TNNI3K: variants seen among roughly 807,000 people sequenced by gnomAD.
TNNI3K encodes the protein serine/threonine-protein kinase TNNI3K.
TNNI3K carries 140 observed loss-of-function variants against 114.5 expected under a neutral mutation model. That is an observed-to-expected ratio of 1.22 (90% CI 1.07 to 1.41). TNNI3K has a LOEUF of 1.41. TNNI3K is among the 40% of genes most tolerant of loss of function. The pLI, the probability that TNNI3K is intolerant of heterozygous loss-of-function variation, is 0.00. For missense variants in TNNI3K, 1,125 were observed against 1,007.6 expected, an observed-to-expected ratio of 1.12 and a Z score of -1.58; for synonymous variants, 347 against 347.5, an observed-to-expected ratio of 1.00 and a Z score of 0.02.
intron 17 of TNNI3K, chr1:74,373,613 AATT>A (rs1662725183): frequency 6.6e-6 from 1 of 151,890 alleles, no homozygotes; most frequent in South Asian, 2.1e-4. Flanking sequence ...AACTGAACCA[AATT>A]ATTGTGGATT....
chr1:74,272,273 A>G (rs1184452539), intron 5 of TNNI3K, among the ~76,000 whole-genome samples: 1 of 151,912 alleles, frequency 6.6e-6, no homozygotes, highest in Non-Finnish European at 1.5e-5. Context: ...GTTTAGCTGT[A>G]AAGAATAAAA....
chr1:74,248,631 T>C (rs1219554835), intron 2 of TNNI3K, among the ~76,000 whole-genome samples: 2 of 152,224 alleles, frequency 1.3e-5, no homozygotes, highest in African/African-American at 4.8e-5. Context: ...TCATTTTTGT[T>C]GAGGCTTAGA....
intron 23 of TNNI3K, among the ~76,000 whole-genome samples, chr1:74,535,813 C>A (rs1005714922): frequency 2.0e-5 from 3 of 152,174 alleles, no homozygotes; most frequent in Admixed American, 6.6e-5. Flanking sequence ...CAGTCAGTCA[C>A]AATTGAATCT....
At chr1:74,394,664 C>T (rs780264275) in intron 17 of TNNI3K, among the ~76,000 whole-genome samples, 1 of 152,178 alleles carries the variant, frequency 6.6e-6, no homozygotes, top group Non-Finnish European at 1.5e-5. Flanking sequence ...CTATTTAGGT[C>T]GTAAGTCAAA....
Position 74,474,457 on chromosome 1 carries a change from G to A in TNNI3K, c.2121+10907G>A, listed in dbSNP as rs375341542. On this transcript the variant is annotated intron_variant, in intron 21 of 24. Coordinates refer to ENST00000326637, the MANE Select transcript of TNNI3K (RefSeq NM_015978.3). ...CATATGGTTTTATTCTTATCCAGTC[G>A]CCCCAAAATGCATCCTTAGGGCCAG... is the stretch of plus-strand genomic sequence containing the variant. Among the ~76,000 whole-genome samples the A allele has an allele frequency of 1.5e-4, 23 of 151,998 alleles. No individual in the cohort carries two copies. The South Asian group carries it at 2.7e-3, about 18-fold the overall frequency.
rs1156419370 is a variant in TNNI3K, at chr1:74,304,615, AT to A, written c.445-26825del. Among the ~76,000 whole-genome samples, 5 of 152,062 alleles carry A rather than the reference AT, an allele frequency of 3.3e-5. No individual in the cohort carries two copies. In the East Asian group the frequency reaches 5.8e-4, roughly 18 times the overall value. The stretch of plus-strand genomic sequence containing the variant: ...GTGCCACCATGCCTGTCTAATTTTT[AT>A]TTTTTTTTTATAGAAATGGGGTCTC... On this transcript the variant is annotated intron_variant, in intron 5 of 24. Coordinates refer to ENST00000326637, the MANE Select transcript of TNNI3K (RefSeq NM_015978.3).
At chr1:74,461,015 A>G (rs186928189) in intron 20 of TNNI3K, among the ~76,000 whole-genome samples, 68 of 152,314 alleles carry the variant, frequency 4.5e-4, no homozygotes, top group African/African-American at 1.6e-3. Context: ...CCATTAGACT[A>G]TGCACAACTA....
At chr1:74,469,930 A>G (rs538411343) in intron 21 of TNNI3K, 79 of 400,696 alleles carry the variant, frequency 2.0e-4, no homozygotes, top group African/African-American at 1.6e-3. Context: ...TGGTGGATAC[A>G]GTACAGGTTT....
rs183106351 is a variant in TNNI3K at position 74,355,057 on chromosome 1, G to C, written c.1177+928G>C. Among the ~76,000 whole-genome samples, 7 of 152,248 alleles carry C rather than the reference G, an allele frequency of 4.6e-5. No individual in the cohort carries two copies. In the East Asian group the frequency reaches 1.3e-3, roughly 29 times the overall value. Reference sequence around the variant, plus strand: ...AGGAGTTTAGATTTTTAGGTGATATGAAAGAATATATATTGTCTTTGAAAT... The same window carrying C: ...AGGAGTTTAGATTTTTAGGTGATATCAAAGAATATATATTGTCTTTGAAAT... On this transcript the variant is annotated intron_variant, in intron 11 of 24. Transcript: ENST00000326637.
chr1:74,364,918 CTTTTG>C, intron 11 of TNNI3K, among the ~76,000 whole-genome samples: 1 of 152,204 alleles, frequency 6.6e-6, no homozygotes, highest in East Asian at 1.9e-4. Flanking sequence ...CCATGTTGAA[CTTTTG>C]ACCTCCAGAA....
intron 6 of TNNI3K, 42 bp downstream of exon 6, chr1:74,331,590 A>G: frequency 6.5e-7 from 1 of 1,548,070 alleles, no homozygotes; most frequent in South Asian, 1.2e-5. Context: ...GGTGTTGCTT[A>G]AGTGTAGGCT....
chr1:74,386,332 GA>G (rs45515995), intron 17 of TNNI3K, among the ~76,000 whole-genome samples: 3,555 of 143,018 alleles, frequency 0.025, 65 homozygotes, highest in African/African-American at 0.039. Context: ...CATCTGAAAA[GA>G]AAAAAAAAAA....
At chr1:74,541,717 G>C (rs1646728774) in intron 24 of TNNI3K, 1 of 152,092 alleles carries the variant, frequency 6.6e-6, no homozygotes, top group South Asian at 2.1e-4. Context: ...GCAAAATTTG[G>C]GTTTTCCTAT....
chr1:74,463,825 AT>A (rs1667550912), intron 21 of TNNI3K, among the ~76,000 whole-genome samples: 1 of 152,326 alleles, frequency 6.6e-6, no homozygotes, highest in East Asian at 1.9e-4. Flanking sequence ...CTCAGCTGCA[AT>A]TTTTATTAAC....
At chr1:74,282,194 C>T (rs1657056409) in intron 5 of TNNI3K, among the ~76,000 whole-genome samples, 1 of 151,884 alleles carries the variant, frequency 6.6e-6, no homozygotes, top group Non-Finnish European at 1.5e-5. Flanking sequence ...AACACAGAGA[C>T]CAAGATGCCA....
At chr1:74,381,664 C>G (rs1186242052) in intron 17 of TNNI3K, among the ~76,000 whole-genome samples, 2 of 152,062 alleles carry the variant, frequency 1.3e-5, no homozygotes, top group Non-Finnish European at 2.9e-5. Context: ...AGACCTCTCA[C>G]TCCTTCTTGG....
intron 21 of TNNI3K, among the ~76,000 whole-genome samples, chr1:74,482,571 G>T (rs1012747820): frequency 2.0e-5 from 3 of 152,090 alleles, no homozygotes; most frequent in African/African-American, 7.2e-5. Flanking sequence ...TGGGATATTA[G>T]AAATGGAAGA....
At chr1:74,452,617 A>G (rs1169411847) in intron 20 of TNNI3K, among the ~76,000 whole-genome samples, 1 of 152,160 alleles carries the variant, frequency 6.6e-6, no homozygotes, top group African/African-American at 2.4e-5. Context: ...TTTGCTTATC[A>G]TCTTTTTTCC....
At chr1:74,350,830 T>G (rs901096284) in intron 9 of TNNI3K, among the ~76,000 whole-genome samples, 5 of 152,192 alleles carry the variant, frequency 3.3e-5, no homozygotes, top group Non-Finnish European at 5.9e-5. Flanking sequence ...TAGATCTTCC[T>G]CCATCCCTTT....
Sources: gnomAD v4.1 joint callset for allele counts (sites outside exome capture counted in the v4.1 genomes callset) on GRCh38, gnomAD v4.1.1 for gene constraint, MANE v1.5 for transcripts, NCBI Gene and HGNC (gene_info 2026-07-23, HGNC 2026-07-21) for gene names.